The following ACER2 variants were observed in gnomAD, a reference collection of about 807,000 sequenced individuals.
ACER2 encodes the protein alkaline ceramidase 2.
ACER2 carries 26 observed loss-of-function variants against 34.7 expected under a neutral mutation model. The observed-to-expected ratio is 0.75, with a 90% confidence interval of 0.55 to 1.04. The LOEUF is 1.04. Ranked by LOEUF, ACER2 falls within the 50% of genes least tolerant of loss-of-function variation. The pLI is 0.00. For synonymous variants in ACER2, 138 were observed against 132.1 expected (o/e 1.04, Z -0.31); for missense variants, 352 against 340.8 (o/e 1.03, Z -0.26).
chr9:19,418,851 AG>A (rs199535942), intron 1 of ACER2, among the ~76,000 whole-genome samples: 1 of 152,178 alleles, frequency 6.6e-6, no homozygotes. Flanking sequence ...AATTAAAAAA[AG>A]AAGAAAGAAA....
At chr9:19,411,989 G>A (rs1563869969) in intron 1 of ACER2, among the ~76,000 whole-genome samples, 1 of 152,174 alleles carries the variant, frequency 6.6e-6, no homozygotes, top group Non-Finnish European at 1.5e-5. Flanking sequence ...GTGGTCAAGA[G>A]CATAGCACAG....
intron 3 of ACER2, among the ~76,000 whole-genome samples, chr9:19,425,996 G>C (rs1008966388): frequency 5.9e-5 from 9 of 152,256 alleles, no homozygotes; most frequent in African/African-American, 1.9e-4. Context: ...GACTCAAATG[G>C]AGAAGCGTCT....
At chr9:19,438,863 G>T (rs926292314) in intron 4 of ACER2, among the ~76,000 whole-genome samples, 7 of 152,088 alleles carry the variant, frequency 4.6e-5, no homozygotes, top group Non-Finnish European at 1.0e-4. Context: ...ATAGCTCATT[G>T]CATCTTCGAA....
At chr9:19,418,616 A>G (rs1198883360) in intron 1 of ACER2, among the ~76,000 whole-genome samples, 3 of 152,190 alleles carry the variant, frequency 2.0e-5, no homozygotes, top group Non-Finnish European at 1.5e-5. Flanking sequence ...CAAACACTGT[A>G]TGTTCTCACT....
At chr9:19,444,217 GT>G (rs774098696) in intron 4 of ACER2, among the ~76,000 whole-genome samples, 25 of 141,198 alleles carry the variant, frequency 1.8e-4, no homozygotes, top group Non-Finnish European at 2.6e-4. Context: ...TCTCATAATG[GT>G]TTTTTTTTTT....
intron 1 of ACER2, among the ~76,000 whole-genome samples, chr9:19,417,892 A>G (rs1033684896): frequency 6.6e-6 from 1 of 152,264 alleles, no homozygotes; most frequent in Non-Finnish European, 1.5e-5. Flanking sequence ...TCTGCACAGC[A>G]AAAGAAACTA....
intron 4 of ACER2, among the ~76,000 whole-genome samples, chr9:19,441,258 C>T (rs974173135): frequency 2.0e-5 from 3 of 152,086 alleles, no homozygotes; most frequent in Admixed American, 6.5e-5. Context: ...ACCATGTTAG[C>T]CAGGATGGTC....
intron 3 of ACER2, among the ~76,000 whole-genome samples, chr9:19,430,460 G>A (rs779960145): frequency 4.6e-5 from 7 of 152,102 alleles, no homozygotes; most frequent in Non-Finnish European, 8.8e-5. Context: ...CTTACTCCTG[G>A]ATATTTCTAG....
chr9:19,447,701 G>A (rs532612995), intron 5 of ACER2, among the ~76,000 whole-genome samples: 14 of 152,186 alleles, frequency 9.2e-5, no homozygotes, highest in Admixed American at 3.9e-4. Flanking sequence ...AGTCAAATTC[G>A]AAATTTAAAC....
Position 19,449,978 on chromosome 9 carries a change from G to T in ACER2, c.642-472G>T, listed in dbSNP as rs528605209. On this transcript the variant is annotated intron_variant, in intron 5 of 5. Transcript: ENST00000340967. ...AATATAAATTTAAAACTTTGTACAG[G>T]TACAGTGAGGATAAATTTTTTAAAA... Among the ~76,000 whole-genome samples, 7 of 151,650 alleles carry T rather than the reference G, an allele frequency of 4.6e-5. No individual in the cohort carries two copies. In the East Asian group the frequency reaches 1.4e-3, roughly 29 times the overall value.
chr9:19,426,318 TTCTTTTTC>T (rs1169083420), intron 3 of ACER2, among the ~76,000 whole-genome samples: 3 of 150,746 alleles, frequency 2.0e-5, no homozygotes, highest in African/African-American at 7.4e-5. Context: ...CTTTCTTTCT[TTCTTTTTC>T]TTTCTTTCTG....
chr9:19,426,308 C>T (rs1225363322), intron 3 of ACER2, among the ~76,000 whole-genome samples: 2 of 132,146 alleles, frequency 1.5e-5, no homozygotes, highest in African/African-American at 6.6e-5. Flanking sequence ...CTTTCTTTCT[C>T]TTTCTTTCTT....
chr9:19,450,233 G>T lies in ACER2; in HGVS notation c.642-217G>T, dbSNP rs962273493. 4.5e-5 allele frequency: 44 copies of T among 985,308 alleles called. No individual in the cohort carries two copies. The Middle Eastern group carries it at 1.5e-3, about 35-fold the overall frequency. The allele number at this position is 985,308 out of a possible 1,614,324, so 61.0% of individuals were successfully genotyped here. On this transcript the variant is annotated intron_variant, in intron 5 of 5. Transcript: ENST00000340967. ...CCTATTATCCAGCAGGACTATTTAA[G>T]AACATTCTAAAACGGGTCCCAAATT...
At chr9:19,436,458 A>G (rs1228965412) in intron 4 of ACER2, among the ~76,000 whole-genome samples, 2 of 152,238 alleles carry the variant, frequency 1.3e-5, no homozygotes, top group Non-Finnish European at 2.9e-5. Flanking sequence ...AAATAAAATA[A>G]CCAAACCTGC....
At chr9:19,433,000 A>T (rs1830807039) in intron 3 of ACER2, among the ~76,000 whole-genome samples, 1 of 151,988 alleles carries the variant, frequency 6.6e-6, no homozygotes, top group South Asian at 2.1e-4. Flanking sequence ...AAATCGCACG[A>T]AGAAAACAGC....
intron 3 of ACER2, among the ~76,000 whole-genome samples, chr9:19,432,077 G>C (rs1325334130): frequency 1.3e-5 from 2 of 152,184 alleles, no homozygotes; most frequent in Non-Finnish European, 2.9e-5. Context: ...AGAGAAGAAA[G>C]AGCGTGTCTA....
rs547054806 is a variant in ACER2, at chr9:19,441,956, G to T, written c.504-4325G>T. Among the ~76,000 whole-genome samples the T allele has an allele frequency of 3.9e-5, 6 of 152,326 alleles. No homozygotes were observed. In the East Asian group the frequency reaches 1.2e-3, roughly 29 times the overall value. ...CGCTAGTTTGCTCAGAGGTAATAGA[G>T]GAGGAACTGTTTTCTCACTTTCTCT... On this transcript the variant is annotated intron_variant, in intron 4 of 5. Coordinates refer to ENST00000340967, the MANE Select transcript of ACER2 (RefSeq NM_001010887.3).
intron 4 of ACER2, among the ~76,000 whole-genome samples, chr9:19,442,188 A>G (rs1040843195): frequency 1.3e-5 from 2 of 152,222 alleles, no homozygotes; most frequent in Non-Finnish European, 2.9e-5. Context: ...ATTTAAAAAA[A>G]TACTTTTTCT....
At position 19,409,150 on chromosome 9, in the gene ACER2, C is replaced by G; in HGVS notation, c.66C>G (p.Asp22Glu). 6.2e-7 allele frequency: 1 copy of G among 1,606,972 alleles called. No individual in the cohort carries two copies. The highest frequency in any genetic ancestry group is 8.5e-7 in the Non-Finnish European group (1 of 1,177,204). ...GCTCGGAGGTGGACTGGTGCGAGGA[C>G]AACTACACCATCGTGCCTGCTATCG... ...AGSSEVDWCE[D>E]NYTIVPAIAE... Residue 22 changes from aspartate (D) to glutamate (E), a missense_variant, in exon 1 of 6, where the codon GAC (aspartate) becomes GAG (glutamate). Physicochemically the swap from Asp to Glu is conservative, Grantham distance 45. Coordinates refer to ENST00000340967, the MANE Select transcript of ACER2 (RefSeq NM_001010887.3).
Sources: allele counts gnomAD v4.1 joint callset (sites outside exome capture counted in the v4.1 genomes callset), GRCh38; gene constraint gnomAD v4.1.1; transcripts MANE v1.5; gene names NCBI Gene and HGNC (gene_info 2026-07-23, HGNC 2026-07-21).